Variants in ZBTB7C observed in about 807,000 individuals in gnomAD.
ZBTB7C encodes the protein zinc finger and BTB domain containing 7C.
A neutral mutation model predicts 25.7 loss-of-function variants in ZBTB7C; 8 were observed. The ratio of observed to expected loss-of-function variants is 0.31; its 90% CI spans 0.18 to 0.56. The LOEUF is 0.56. ZBTB7C is among the 20% of genes least tolerant of loss of function. ZBTB7C has a pLI of 0.91. For missense variants in ZBTB7C, 824 were observed against 855.2 expected, an observed-to-expected ratio of 0.96 and a Z score of 0.46; for synonymous variants, 394 against 369.0, an observed-to-expected ratio of 1.07 and a Z score of -0.78.
intron 2 of ZBTB7C, among the ~76,000 whole-genome samples, chr18:48,209,693 C>G (rs941408526): frequency 2.0e-5 from 3 of 151,732 alleles, no homozygotes; most frequent in East Asian, 3.9e-4. Context: ...GAGGTCAAGG[C>G]TGAGTAAGTC....
Position 48,109,162 on chromosome 18 carries a change from A to G in ZBTB7C, c.-16-68039T>C, listed in dbSNP as rs185974011. Among the ~76,000 whole-genome samples the G allele has an allele frequency of 6.2e-3, 938 of 152,258 alleles. 6 individuals are homozygous for G. The highest frequency in any genetic ancestry group is 0.022 in the African/African-American group (900 of 41,566). On this transcript the variant is annotated intron_variant, in intron 3 of 4. Transcript: ENST00000590800. Reference sequence around the variant, plus strand: ...GGCCTTGGGGTGTTGCTAAGAACCCAGGCTGGTGGCGGCTGTCACAGGCCT... The same window carrying G: ...GGCCTTGGGGTGTTGCTAAGAACCCGGGCTGGTGGCGGCTGTCACAGGCCT...
chr18:48,323,119 T>C (rs2144864760), intron 2 of ZBTB7C, among the ~76,000 whole-genome samples: 1 of 152,144 alleles, frequency 6.6e-6, no homozygotes, highest in Admixed American at 6.5e-5. Context: ...TGCACCAACA[T>C]CTCACAAATC....
chr18:48,076,764 A>C (rs886627693), intron 3 of ZBTB7C, among the ~76,000 whole-genome samples: 14 of 152,144 alleles, frequency 9.2e-5, no homozygotes, highest in Non-Finnish European at 1.6e-4. Flanking sequence ...CTCCACAGGG[A>C]ACCTTCTAGA....
At position 48,026,736 on chromosome 18, in the gene ZBTB7C, G is replaced by GT. The variant is rs2035536613; in HGVS notation, c.*2523_*2524insA. 7.9e-6 allele frequency: 1 copy of GT among 126,994 alleles called. No homozygotes were observed. Among genetic ancestry groups the GT allele is most frequent in the Non-Finnish European group, 1.6e-5 (1 of 61,234 alleles). 7.9% of individuals were successfully genotyped at this position (126,994 alleles called of 1,614,324 possible). A position where few individuals can be genotyped will look rare whatever the true frequency, so the allele number is the denominator to read the frequency against. On this transcript the variant is annotated 3_prime_UTR_variant, in exon 5 of 5. Transcript: ENST00000590800. ...TTTAAAGTATAAAATAAGGGTCAAA[G>GT]GTTTTTTTTTTTTTCTTTGTTAAGG... is the stretch of plus-strand genomic sequence containing the variant.
At chr18:48,046,206 C>T (rs1318264688) in intron 3 of ZBTB7C, among the ~76,000 whole-genome samples, 1 of 152,246 alleles carries the variant, frequency 6.6e-6, no homozygotes, top group African/African-American at 2.4e-5. Context: ...AATCCAGTGA[C>T]ATCATTTCAC....
chr18:48,054,499 C>G (rs892139397), intron 3 of ZBTB7C, among the ~76,000 whole-genome samples: 1 of 152,118 alleles, frequency 6.6e-6, no homozygotes, highest in South Asian at 2.1e-4. Context: ...CCTCAGCCCT[C>G]GACAAACACT....
At chr18:48,374,594 C>T (rs1474777248) in intron 1 of ZBTB7C, among the ~76,000 whole-genome samples, 1 of 152,210 alleles carries the variant, frequency 6.6e-6, no homozygotes, top group Non-Finnish European at 1.5e-5. Flanking sequence ...CCAGAAGCCT[C>T]CACTCAGAGT....
At chr18:48,137,423 C>T (rs539004422) in intron 3 of ZBTB7C, 2 of 530,184 alleles carry the variant, frequency 3.8e-6, no homozygotes, top group Admixed American at 7.1e-5. Flanking sequence ...TTTCCCCCCA[C>T]TCTCCTTCTC....
chr18:48,265,281 T>C (rs1030747792), intron 2 of ZBTB7C, among the ~76,000 whole-genome samples: 3 of 152,338 alleles, frequency 2.0e-5, no homozygotes, highest in African/African-American at 4.8e-5. Flanking sequence ...TTGAGCTTAG[T>C]TCTATCCTGA....
At chr18:48,099,305 G>A (rs969674287) in intron 3 of ZBTB7C, among the ~76,000 whole-genome samples, 1 of 152,172 alleles carries the variant, frequency 6.6e-6, no homozygotes, top group Non-Finnish European at 1.5e-5. Context: ...AAAATGTGAC[G>A]CATGTTGTCT....
chr18:48,241,069 A>G (rs1329449707), intron 2 of ZBTB7C, among the ~76,000 whole-genome samples: 2 of 152,168 alleles, frequency 1.3e-5, no homozygotes, highest in African/African-American at 4.8e-5. Flanking sequence ...CAGACAAGAT[A>G]GCCTTTAAAG....
intron 1 of ZBTB7C, among the ~76,000 whole-genome samples, chr18:48,397,287 T>C (rs2048050878): frequency 6.6e-6 from 1 of 152,160 alleles, no homozygotes; most frequent in African/African-American, 2.4e-5. Context: ...CTTAACCAAA[T>C]GTATTTCCTC....
chr18:48,384,723 C>A (rs1275660815), intron 1 of ZBTB7C, among the ~76,000 whole-genome samples: 2 of 152,190 alleles, frequency 1.3e-5, no homozygotes, highest in Admixed American at 6.5e-5. Context: ...GCTCTGTCAC[C>A]CAGGCTGGAG....
At chr18:48,361,205 T>C (rs1435748454) in intron 1 of ZBTB7C, among the ~76,000 whole-genome samples, 1 of 152,160 alleles carries the variant, frequency 6.6e-6, no homozygotes, top group African/African-American at 2.4e-5. Flanking sequence ...GGTGACAGAA[T>C]ACAGAACACA....
chr18:48,298,686 C>T (rs1235081936), intron 2 of ZBTB7C, among the ~76,000 whole-genome samples: 1 of 152,162 alleles, frequency 6.6e-6, no homozygotes, highest in Non-Finnish European at 1.5e-5. Flanking sequence ...CTCAGGGTGC[C>T]CAGCAGGCTG....
At position 48,285,755 on chromosome 18, in the gene ZBTB7C, C is replaced by A. The variant is rs571832490; in HGVS notation, c.-79+52419G>T. Among the ~76,000 whole-genome samples, 5 of 152,190 alleles carry A rather than the reference C, an allele frequency of 3.3e-5. No individual in the cohort carries two copies. In the East Asian group the frequency reaches 7.7e-4, roughly 23 times the overall value. On this transcript the variant is annotated intron_variant, in intron 2 of 4. Coordinates refer to ENST00000590800, the MANE Select transcript of ZBTB7C (RefSeq NM_001318841.2). Reference sequence around the variant, plus strand: ...CATTTTTTTTCAACAAAAGTTTCTGCCTTTAATGGAGAGTTTTATCTGTTT... The same window carrying A: ...CATTTTTTTTCAACAAAAGTTTCTGACTTTAATGGAGAGTTTTATCTGTTT...
intron 3 of ZBTB7C, among the ~76,000 whole-genome samples, chr18:48,056,952 T>C (rs1408526321): frequency 6.7e-6 from 1 of 149,326 alleles, no homozygotes; most frequent in Non-Finnish European, 1.5e-5. Context: ...CTGAAGAACA[T>C]ATTTGAAACA....
intron 2 of ZBTB7C, among the ~76,000 whole-genome samples, chr18:48,294,986 CCCTGCTTGGGGCAT>C (rs1398897478): frequency 2.0e-5 from 3 of 152,034 alleles, no homozygotes; most frequent in African/African-American, 7.2e-5. Flanking sequence ...GAGAATATTT[CCCTGCTTGGGGCAT>C]CCTGCTTCTG....
intron 1 of ZBTB7C, among the ~76,000 whole-genome samples, chr18:48,400,786 G>A (rs767698161): frequency 4.6e-5 from 7 of 152,142 alleles, no homozygotes; most frequent in Non-Finnish European, 1.0e-4. Flanking sequence ...TTTTAAAAAG[G>A]TGGCTGCTAG....
Sources: gnomAD v4.1 joint callset for allele counts (sites outside exome capture counted in the v4.1 genomes callset) on GRCh38, gnomAD v4.1.1 for gene constraint, MANE v1.5 for transcripts, NCBI Gene and HGNC (gene_info 2026-07-23, HGNC 2026-07-21) for gene names.